Variants in RAD51AP1 observed in about 807,000 individuals in gnomAD.
RAD51AP1 encodes RAD51-associated protein 1.
In RAD51AP1, 14 loss-of-function variants were observed where a neutral mutation model predicts 34.3. The observed-to-expected ratio is 0.41, with a 90% CI of 0.27 to 0.64. The LOEUF (loss-of-function observed/expected upper bound fraction) is 0.64, where lower values mean the gene tolerates loss of function less well. Ranked by LOEUF, RAD51AP1 falls within the 30% of genes least tolerant of loss-of-function variation. The pLI, the probability that RAD51AP1 is intolerant of heterozygous loss-of-function variation, is 0.33. For synonymous variants in RAD51AP1, 114 were observed against 129.8 expected, an observed-to-expected ratio of 0.88 and a Z score of 0.83; for missense variants, 348 against 386.9, an observed-to-expected ratio of 0.90 and a Z score of 0.84.
intron 3 of RAD51AP1, chr12:4,545,362 T>C: frequency 2.9e-6 from 1 of 339,576 alleles, no homozygotes. Context: ...AATAGGCAAA[T>C]CCATAGAAAC....
intron 6 of RAD51AP1, among the ~76,000 whole-genome samples, chr12:4,551,103 T>G (rs1944543001): frequency 6.6e-6 from 1 of 152,072 alleles, no homozygotes; most frequent in South Asian, 2.1e-4. Flanking sequence ...AAGAATATAC[T>G]TATGAAGTAT....
chr12:4,552,943 T>C (rs1225107947), intron 6 of RAD51AP1, 40 bp from the exon 7 acceptor site: 2 of 1,500,764 alleles, frequency 1.3e-6, no homozygotes, highest in South Asian at 1.4e-5. Context: ...GAATCCTCAC[T>C]TTTTAGAGCA....
intron 1 of RAD51AP1, among the ~76,000 whole-genome samples, chr12:4,539,481 C>G (rs1445306254): frequency 6.6e-6 from 1 of 152,112 alleles, no homozygotes; most frequent in Non-Finnish European, 1.5e-5. Flanking sequence ...CTATAGTTAG[C>G]CATTCATTTA....
chr12:4,552,569 C>T lies in RAD51AP1; in HGVS notation c.557-414C>T, dbSNP rs74932108. ...AAAGACTAGCTATTGTCATACCCTA[C>T]CATTCTTTTCAAAAGTCACTGAGTT... is the stretch of plus-strand genomic sequence containing the variant. On this transcript the variant is annotated intron_variant, in intron 6 of 8. Transcript: ENST00000352618. Among the ~76,000 whole-genome samples, 765 of 152,234 alleles carry T rather than the reference C, an allele frequency of 5.0e-3. 7 individuals are homozygous for T. Among genetic ancestry groups the T allele is most frequent in the African/African-American group, 0.017 (723 of 41,534 alleles).
At chr12:4,547,444 TATC>T (rs1667731605) in intron 4 of RAD51AP1, among the ~76,000 whole-genome samples, 1 of 152,200 alleles carries the variant, frequency 6.6e-6, no homozygotes, top group African/African-American at 2.4e-5. Context: ...AAAAGAGAAT[TATC>T]ATGAATTACA....
intron 1 of RAD51AP1, among the ~76,000 whole-genome samples, chr12:4,540,134 A>G (rs1330667188): frequency 6.6e-6 from 1 of 152,218 alleles, no homozygotes; most frequent in Non-Finnish European, 1.5e-5. Context: ...AAAGAATCAG[A>G]GATGACTCCA....
intron 6 of RAD51AP1, among the ~76,000 whole-genome samples, chr12:4,552,296 G>A (rs1227775653): frequency 5.9e-5 from 9 of 152,156 alleles, no homozygotes; most frequent in Admixed American, 5.9e-4. Context: ...TAACTATCAG[G>A]TTAGGAAATG....
intron 6 of RAD51AP1, among the ~76,000 whole-genome samples, chr12:4,551,535 A>G (rs997121962): frequency 2.0e-5 from 3 of 151,522 alleles, no homozygotes; most frequent in East Asian, 1.9e-4. Context: ...AAATGACACC[A>G]TGAGCTAGAA....
chr12:4,558,706 C>T, intron 8 of RAD51AP1, 151 bp from the exon 9 acceptor site: 1 of 929,928 alleles, frequency 1.1e-6, no homozygotes, highest in Admixed American at 3.0e-5. Context: ...CTCTTTAGAA[C>T]ATTCTGTTCT....
Position 4,556,515 on chromosome 12 carries a change from TATC to T in RAD51AP1, c.871+18_871+20del. 1 of 1,610,786 alleles carries T rather than the reference TATC, an allele frequency of 6.2e-7. No individual in the cohort carries two copies. The highest frequency in any genetic ancestry group is 8.5e-7 in the Non-Finnish European group (1 of 1,178,072). ...TGGGTCCCACCAGGTATGGCATATT[TATC>T]ATCAAGGACAGGAGCTTGGAAAATT... On this transcript the variant is annotated intron_variant, in intron 8 of 8. Coordinates refer to ENST00000352618, the MANE Select transcript of RAD51AP1 (RefSeq NM_006479.5).
chr12:4,547,894 C>T (rs1056441668), intron 4 of RAD51AP1, among the ~76,000 whole-genome samples, 198 bp from the exon 5 acceptor site: 15 of 152,082 alleles, frequency 9.9e-5, no homozygotes, highest in African/African-American at 3.4e-4. Flanking sequence ...CATGGTAGAG[C>T]CTGAATTTAA....
In RAD51AP1 at chr12:4,546,427, A is replaced by C. The variant is rs374952832; in HGVS notation, c.319+9A>C. On this transcript the variant is annotated intron_variant, in intron 4 of 8. Transcript: ENST00000352618. Reference sequence around the variant, plus strand: ...GAACTCTCAAGATAAAAGTAACTTTATTTTCTGTATATTTAGCTTTAAAAC... The same window carrying C: ...GAACTCTCAAGATAAAAGTAACTTTCTTTTCTGTATATTTAGCTTTAAAAC... The C allele has an allele frequency of 7.0e-5, 110 of 1,570,014 alleles. No homozygotes were observed. The highest frequency in any genetic ancestry group is 9.4e-5 in the Non-Finnish European group (107 of 1,144,318).
chr12:4,552,702 G>A (rs1175028507), intron 6 of RAD51AP1, among the ~76,000 whole-genome samples: 1 of 152,172 alleles, frequency 6.6e-6, no homozygotes, highest in Non-Finnish European at 1.5e-5. Context: ...TATTCTAAAT[G>A]CATTATATAT....
At chr12:4,548,234 T>C (rs1944521120) in intron 5 of RAD51AP1, 56 bp downstream of exon 5, 1 of 1,569,768 alleles carries the variant, frequency 6.4e-7, no homozygotes, top group Admixed American at 2.1e-5. Flanking sequence ...CTCTGACTTT[T>C]GTTTAAATTG....
chr12:4,544,009 G>T, intron 3 of RAD51AP1, 105 bp downstream of exon 3: 1 of 961,604 alleles, frequency 1.0e-6, no homozygotes. Context: ...CAGAGTCATA[G>T]GTCTTATTTT....
chr12:4,543,453 C>T (rs1176530098), intron 2 of RAD51AP1, among the ~76,000 whole-genome samples: 1 of 152,120 alleles, frequency 6.6e-6, no homozygotes, highest in African/African-American at 2.4e-5. Context: ...TTAAATTCTA[C>T]CAATTTTTCT....
At chr12:4,544,486 A>G (rs1428040784) in intron 3 of RAD51AP1, among the ~76,000 whole-genome samples, 2 of 152,206 alleles carry the variant, frequency 1.3e-5, no homozygotes, top group Non-Finnish European at 2.9e-5. Flanking sequence ...GAATATTAAC[A>G]AATGGAACAT....
rs1944583379 is a variant in RAD51AP1 at position 4,556,411 on chromosome 12, A to G, written c.780A>G (p.Lys260=). ...AVKSESQSLP[K]KVSLSSDTTR... is the part of the protein sequence containing the mutation. ...AATCAGAATCTCAGTCCTTGCCAAAAAAGGTTTCTCTGTCTTCAGATACCA... is the reference window on the plus strand; with the variant it reads ...AATCAGAATCTCAGTCCTTGCCAAAGAAGGTTTCTCTGTCTTCAGATACCA... The change falls in exon 8 of 9, where the codon AAA becomes AAG. Residue 260 remains lysine, a synonymous_variant. Coordinates refer to ENST00000352618, the MANE Select transcript of RAD51AP1 (RefSeq NM_006479.5). 4 of 1,613,798 alleles carry G rather than the reference A, an allele frequency of 2.5e-6. No individual in the cohort carries two copies. The South Asian group carries it at 4.4e-5, about 18-fold the overall frequency.
rs565270645 is a variant in RAD51AP1 at position 4,554,792 on chromosome 12, CAT to C, written c.722-1560_722-1559del. Among the ~76,000 whole-genome samples, 125 of 152,288 alleles carry C rather than the reference CAT, an allele frequency of 8.2e-4. 1 individual carries two copies. The highest frequency in any genetic ancestry group is 1.0e-4 in the Non-Finnish European group (7 of 68,026). ...TAAACTTTGCGAATTGTGTCTAGCACATGTTATAATTTTCCCTTGATAGAAAA... is the reference window on the plus strand; with the variant it reads ...TAAACTTTGCGAATTGTGTCTAGCACGTTATAATTTTCCCTTGATAGAAAA... On this transcript the variant is annotated intron_variant, in intron 7 of 8. Transcript: ENST00000352618.
Sources: allele counts gnomAD v4.1 joint callset (sites outside exome capture counted in the v4.1 genomes callset), GRCh38; gene constraint gnomAD v4.1.1; transcripts MANE v1.5; gene names NCBI Gene and HGNC (gene_info 2026-07-23, HGNC 2026-07-21).